Variants in NBPF11 observed in about 807,000 individuals in gnomAD.
NBPF11 encodes the protein NBPF family member NBPF11.
NBPF11 carries 72 observed loss-of-function variants against 93.9 expected under a neutral mutation model. The observed-to-expected ratio is 0.77, with a 90% CI of 0.63 to 0.93. The LOEUF (loss-of-function observed/expected upper bound fraction) is 0.93, where lower values mean the gene tolerates loss of function less well. NBPF11 is among the 40% of genes least tolerant of loss of function. The probability of loss-of-function intolerance (pLI) is 0.00; values close to 1 mark genes in which losing one functional copy is unlikely to be tolerated. For missense variants in NBPF11, 705 were observed against 802.2 expected (o/e 0.88, Z 1.46); for synonymous variants, 224 against 304.9 (o/e 0.73, Z 2.76).
At chr1:148,115,452 T>C (rs1319403870) in intron 14 of NBPF11, among the ~76,000 whole-genome samples, 183 of 150,678 alleles carry the variant, frequency 1.2e-3, no homozygotes, top group Non-Finnish European at 1.7e-3. Context: ...TAAACAGGCA[T>C]AGAAACTCCA....
intron 15 of NBPF11, among the ~76,000 whole-genome samples, chr1:148,111,859 C>A (rs1256854652): frequency 6.6e-6 from 1 of 151,020 alleles, no homozygotes; most frequent in Admixed American, 6.6e-5. Context: ...CTTCCCCAAC[C>A]TAGCAAGGAA....
At chr1:148,128,934 G>A (rs2149258006) in intron 4 of NBPF11, among the ~76,000 whole-genome samples, 1 of 146,578 alleles carries the variant, frequency 6.8e-6, no homozygotes, top group East Asian at 2.0e-4. Context: ...TCACTCATGG[G>A]TGGGAATTGA....
intron 17 of NBPF11, 69 bp downstream of exon 17, chr1:148,109,215 T>C: frequency 1.0e-6 from 1 of 960,124 alleles, no homozygotes; most frequent in East Asian, 2.4e-5. Flanking sequence ...CAGCGTGTAC[T>C]GTTTTCCCTG....
intron 20 of NBPF11, among the ~76,000 whole-genome samples, chr1:148,106,494 A>T (rs1663650734): frequency 7.1e-6 from 1 of 140,050 alleles, no homozygotes; most frequent in Admixed American, 7.0e-5. Flanking sequence ...GTTATGCCTT[A>T]TTGTTCCCAT....
At chr1:148,134,080 G>A (rs1177924888) in intron 4 of NBPF11, among the ~76,000 whole-genome samples, 34 of 152,060 alleles carry the variant, frequency 2.2e-4, no homozygotes, top group Non-Finnish European at 2.6e-4. Context: ...AGCATCTCCC[G>A]CCATGACCTC....
At chr1:148,127,778 G>C (rs1425512100) in intron 4 of NBPF11, among the ~76,000 whole-genome samples, 2 of 147,820 alleles carry the variant, frequency 1.4e-5, no homozygotes, top group African/African-American at 5.0e-5. Context: ...AAGTAGCTGG[G>C]AATACAGGCG....
In NBPF11 at chr1:148,138,756, C is replaced by T. The variant is rs1402136658; in HGVS notation, c.-276-947G>A. On this transcript the variant is annotated intron_variant, in intron 2 of 23. Coordinates refer to ENST00000682118, the MANE Select transcript of NBPF11 (RefSeq NM_001385469.3). The stretch of plus-strand genomic sequence containing the variant: ...AAAATGGAGTCTCTTATGTCTACTT[C>T]TTCCTACACAGACACAGTAACAATC... 3.3e-3 allele frequency among the ~76,000 whole-genome samples: 497 copies of T among 151,828 alleles called. 12 individuals carry two copies. Among genetic ancestry groups the T allele is most frequent in the African/African-American group, 0.011 (467 of 41,184 alleles).
chr1:148,116,899 CT>C (rs1666693754), intron 12 of NBPF11, among the ~76,000 whole-genome samples: 1 of 152,198 alleles, frequency 6.6e-6, no homozygotes, highest in African/African-American at 2.4e-5. Flanking sequence ...AAACCTAATT[CT>C]TTCTCTTAGA....
intron 1 of NBPF11, chr1:148,149,045 T>C (rs2149315203): frequency 1.2e-6 from 1 of 806,598 alleles, no homozygotes; most frequent in Admixed American, 2.5e-5. Context: ...ACCCACTGAC[T>C]TGGCTGAGTG....
chr1:148,137,307 A>G lies in NBPF11; in HGVS notation c.-178+404T>C, dbSNP rs1381942000. Reference sequence around the variant, plus strand: ...GATGAAACAGACAGGTAAGGAGGAAAGCACGTGGCCTCTGGAGTCAGAGTA... The same window carrying G: ...GATGAAACAGACAGGTAAGGAGGAAGGCACGTGGCCTCTGGAGTCAGAGTA... On this transcript the variant is annotated intron_variant, in intron 3 of 23. Transcript: ENST00000682118. Among the ~76,000 whole-genome samples, 3 of 151,490 alleles carry G rather than the reference A, an allele frequency of 2.0e-5. No homozygotes were observed. The East Asian group carries it at 5.9e-4, about 30-fold the overall frequency.
intron 23 of NBPF11, 99 bp downstream of exon 23, chr1:148,104,438 T>A: frequency 1.6e-6 from 1 of 616,712 alleles, no homozygotes; most frequent in Non-Finnish European, 2.8e-6. Context: ...TAATTCAGCC[T>A]TCGTTGAAAA....
At chr1:148,112,841 C>T (rs1226594512) in intron 15 of NBPF11, among the ~76,000 whole-genome samples, 1 of 150,470 alleles carries the variant, frequency 6.6e-6, no homozygotes, top group African/African-American at 2.5e-5. Flanking sequence ...AAAGAATTTT[C>T]AACCAAGAAT....
At chr1:148,121,365 T>TTTTTTTTTTTG (rs1208452574) in intron 9 of NBPF11, among the ~76,000 whole-genome samples, 2 of 145,460 alleles carry the variant, frequency 1.4e-5, no homozygotes. Context: ...TTTTTTTTTT[T>TTTTTTTTTTTG]GAGATGCAGT....
intron 1 of NBPF11, among the ~76,000 whole-genome samples, chr1:148,151,163 C>G (rs1648213062): frequency 6.6e-6 from 1 of 151,820 alleles, no homozygotes; most frequent in Non-Finnish European, 1.5e-5. Context: ...CTGCAAACAC[C>G]AACACCACAG....
In NBPF11 at chr1:148,108,497, C is replaced by T. The variant is rs1553267786; in HGVS notation, c.2011G>A (p.Ala671Thr). The change falls in exon 18 of 24, where the codon GCT becomes ACT. Residue 671 changes from alanine (A) to threonine (T), a missense_variant. Around this residue, in one of 12 missense-constraint regions of NBPF11, gnomAD observed 97 missense variants for 65.0 expected, o/e 1.49. Coordinates refer to ENST00000682118, the MANE Select transcript of NBPF11 (RefSeq NM_001385469.3). ...YVLEQQRIGL[A>T]VDMDEIEKYQ... ...AGGTACTCACCATCCATGTCAACAG[C>T]CAAGCCAATACGCTGTTGCTCCAAT... 5 of 1,584,224 alleles carry T rather than the reference C, an allele frequency of 3.2e-6. No homozygotes were observed. The highest frequency in any genetic ancestry group is 4.3e-6 in the Non-Finnish European group (5 of 1,156,412).
At chr1:148,133,070 AC>A in intron 4 of NBPF11, among the ~76,000 whole-genome samples, 1 of 148,156 alleles carries the variant, frequency 6.7e-6, no homozygotes, top group South Asian at 2.2e-4. Flanking sequence ...ATTTATAAGC[AC>A]AACATGTATT....
chr1:148,121,893 G>C (rs1447084076), intron 9 of NBPF11, among the ~76,000 whole-genome samples, 162 bp downstream of exon 9: 1 of 151,682 alleles, frequency 6.6e-6, no homozygotes, highest in African/African-American at 2.4e-5. Context: ...CCTCCCACTT[G>C]GGCCTTCCAA....
intron 1 of NBPF11, among the ~76,000 whole-genome samples, chr1:148,147,821 G>A (rs1312678635): frequency 2.0e-5 from 3 of 151,982 alleles, no homozygotes; most frequent in African/African-American, 4.8e-5. Context: ...CACTTCATGC[G>A]GCTTCCTCGG....
rs1663323902 is a variant in NBPF11 at position 148,105,471 on chromosome 1, A to G, written c.2361T>C (p.Asp787=). The G allele has an allele frequency of 5.3e-6, 6 of 1,121,776 alleles. 1 individual carries two copies. Among genetic ancestry groups the G allele is most frequent in the Admixed American group, 1.9e-5 (1 of 53,210 alleles). The allele number at this position is 1,121,776 out of a possible 1,614,324, so 69.5% of individuals were successfully genotyped here. The change falls in exon 22 of 24, where the codon GAT becomes GAC. Residue 787 remains aspartate, a synonymous_variant. Coordinates refer to ENST00000682118, the MANE Select transcript of NBPF11 (RefSeq NM_001385469.3). ...VEPEVLQDSL[D]VIQLLPVVLN... ...AGACAACTGGAAGGAGTTGAATAACATCCAGTGAGTCCTGCAAGACTTCAG... is the reference window on the plus strand; with the variant it reads ...AGACAACTGGAAGGAGTTGAATAACGTCCAGTGAGTCCTGCAAGACTTCAG...
Sources: allele counts gnomAD v4.1 joint callset (sites outside exome capture counted in the v4.1 genomes callset), GRCh38; gene constraint gnomAD v4.1.1; regional missense constraint gnomAD v4.1.1; transcripts MANE v1.5; gene names NCBI Gene and HGNC (gene_info 2026-07-23, HGNC 2026-07-21).